The following ATXN7L1 variants were observed in gnomAD, a reference collection of about 807,000 sequenced individuals.
ATXN7L1 encodes ataxin-7-like protein 1.
Under a neutral mutation model 70.8 loss-of-function variants are expected in ATXN7L1, and 15 were observed. The ratio of observed to expected loss-of-function variants is 0.21; its 90% CI spans 0.14 to 0.33. ATXN7L1 has a LOEUF of 0.33. ATXN7L1 is among the 10% of genes least tolerant of loss of function. The probability of loss-of-function intolerance (pLI) is 1.00; values close to 1 mark genes in which losing one functional copy is unlikely to be tolerated. For synonymous variants in ATXN7L1, 440 were observed against 445.1 expected, an observed-to-expected ratio of 0.99 and a Z score of 0.14; for missense variants, 975 against 1,097.1, an observed-to-expected ratio of 0.89 and a Z score of 1.57.
intron 3 of ATXN7L1, among the ~76,000 whole-genome samples, chr7:105,755,998 C>T (rs1172967421): frequency 6.6e-6 from 1 of 152,170 alleles, no homozygotes; most frequent in African/African-American, 2.4e-5. Flanking sequence ...GCTCCACAGT[C>T]TTTGTGTCCT....
At chr7:105,758,706 T>G (rs540921863) in intron 3 of ATXN7L1, among the ~76,000 whole-genome samples, 2 of 152,326 alleles carry the variant, frequency 1.3e-5, no homozygotes, top group Admixed American at 1.3e-4. Flanking sequence ...AAGTCTTTAC[T>G]CTGTACCTCC....
intron 9 of ATXN7L1, among the ~76,000 whole-genome samples, chr7:105,619,605 C>T (rs1794640204): frequency 7.6e-6 from 1 of 130,954 alleles, no homozygotes. Context: ...AGGCTGAGTG[C>T]AGTGGCACAA....
At chr7:105,709,415 T>C (rs1327574890) in intron 3 of ATXN7L1, among the ~76,000 whole-genome samples, 3 of 152,162 alleles carry the variant, frequency 2.0e-5, no homozygotes, top group East Asian at 3.9e-4. Flanking sequence ...ACTGCTCTTC[T>C]CAGGGCCAGC....
chr7:105,731,748 A>AAAAAGAAAAGAAAAGAAAAGAG (rs1554443664), intron 3 of ATXN7L1, among the ~76,000 whole-genome samples: 22 of 106,994 alleles, frequency 2.1e-4, no homozygotes, highest in East Asian at 6.5e-4. Flanking sequence ...CTTACTCCTT[A>AAAAAGAAAAGAAAAGAAAAGAG]AAAAGAAAAG....
intron 9 of ATXN7L1, chr7:105,618,066 G>C (rs547319184): frequency 3.0e-4 from 136 of 456,704 alleles, no homozygotes; most frequent in Non-Finnish European, 5.5e-4. Flanking sequence ...AGGGGGGAGG[G>C]ACCTGATGCC....
intron 7 of ATXN7L1, among the ~76,000 whole-genome samples, chr7:105,630,109 C>T (rs1796371124): frequency 6.6e-6 from 1 of 152,152 alleles, no homozygotes; most frequent in Non-Finnish European, 1.5e-5. Context: ...TGAGCCACTG[C>T]ACCAGGCTGA....
chr7:105,657,050 C>T (rs1402391002), intron 4 of ATXN7L1, among the ~76,000 whole-genome samples: 2 of 152,188 alleles, frequency 1.3e-5, no homozygotes, highest in Non-Finnish European at 2.9e-5. Flanking sequence ...CCCTAACCTG[C>T]TGTTAAATCT....
chr7:105,676,120 C>T (rs760048078), intron 3 of ATXN7L1, among the ~76,000 whole-genome samples: 2 of 152,096 alleles, frequency 1.3e-5, no homozygotes, highest in African/African-American at 2.4e-5. Flanking sequence ...AGCTGCTGCC[C>T]GAAGGACCTG....
At chr7:105,656,194 G>A (rs1023675975) in intron 4 of ATXN7L1, among the ~76,000 whole-genome samples, 4 of 152,316 alleles carry the variant, frequency 2.6e-5, no homozygotes, top group Middle Eastern at 3.4e-3. Flanking sequence ...TGGCTGACTC[G>A]GTCACTGTGC....
chr7:105,732,195 AG>A (rs1796652475), intron 3 of ATXN7L1, among the ~76,000 whole-genome samples: 1 of 152,172 alleles, frequency 6.6e-6, no homozygotes, highest in Non-Finnish European at 1.5e-5. Flanking sequence ...AGATCACCTT[AG>A]GTCAGGGGTT....
intron 2 of ATXN7L1, among the ~76,000 whole-genome samples, chr7:105,805,427 T>A (rs1237932060): frequency 2.6e-5 from 4 of 152,140 alleles, no homozygotes; most frequent in Non-Finnish European, 5.9e-5. Context: ...TGACTCAGTG[T>A]GGGAAACAGG....
At chr7:105,712,077 T>C (rs1429437046) in intron 3 of ATXN7L1, among the ~76,000 whole-genome samples, 3 of 152,262 alleles carry the variant, frequency 2.0e-5, no homozygotes, top group African/African-American at 7.2e-5. Flanking sequence ...GTTTGGGGCT[T>C]GCACCCTTTG....
chr7:105,872,093 C>T (rs943127833), intron 2 of ATXN7L1, among the ~76,000 whole-genome samples: 4 of 151,890 alleles, frequency 2.6e-5, no homozygotes, highest in Non-Finnish European at 4.4e-5. Context: ...CCCGGGTTCA[C>T]GCCATTCTCC....
chr7:105,808,020 T>C (rs1189808990), intron 2 of ATXN7L1, among the ~76,000 whole-genome samples: 2 of 152,232 alleles, frequency 1.3e-5, no homozygotes, highest in South Asian at 2.1e-4. Context: ...CTTGGATCTC[T>C]AGTGTCCACA....
chr7:105,854,072 C>A lies in ATXN7L1; in HGVS notation c.250+21740G>T, dbSNP rs1315556838. ...CTGGCCGTTCCCTCCACCCCCAGAGCCCATCTCTGCAGGCAGGCAGTTTTC... is the reference window on the plus strand; with the variant it reads ...CTGGCCGTTCCCTCCACCCCCAGAGACCATCTCTGCAGGCAGGCAGTTTTC... On this transcript the variant is annotated intron_variant, in intron 2 of 11. Transcript: ENST00000419735. Among the ~76,000 whole-genome samples the A allele has an allele frequency of 2.6e-5, 4 of 152,182 alleles. No individual in the cohort carries two copies. The South Asian group carries it at 8.3e-4, about 31-fold the overall frequency.
chr7:105,715,326 G>A (rs1009887), intron 3 of ATXN7L1, among the ~76,000 whole-genome samples: 8,522 of 152,288 alleles, frequency 0.056, 285 homozygotes, highest in Admixed American at 0.073. Context: ...AGTTCACGTG[G>A]GCATCAAGTG....
intron 3 of ATXN7L1, among the ~76,000 whole-genome samples, chr7:105,784,862 C>T (rs190252309): frequency 3.9e-4 from 59 of 152,240 alleles, no homozygotes; most frequent in African/African-American, 1.2e-3. Context: ...CAACAAAGTT[C>T]AAATAATGTT....
In ATXN7L1 at chr7:105,876,400, G is replaced by A. The variant is rs1324652592; in HGVS notation, c.159C>T (p.Ala53=). Reference sequence around the variant, plus strand: ...TACTGTCGGAGCAGTGTAATTTGGCGGCGTCGATCCAGGAGGACCAGGGTT... The same window carrying A: ...TACTGTCGGAGCAGTGTAATTTGGCAGCGTCGATCCAGGAGGACCAGGGTT... The part of the protein sequence containing the change: ...LGKPWSSWID[A]AKLHCSDNVD... The change falls in exon 1 of 12, where the codon GCC becomes GCT. Residue 53 remains alanine (A), a synonymous_variant. Coordinates refer to ENST00000419735, the MANE Select transcript of ATXN7L1 (RefSeq NM_020725.2). 2 of 1,609,960 alleles carry A rather than the reference G, an allele frequency of 1.2e-6. No individual in the cohort carries two copies. Among genetic ancestry groups the A allele is most frequent in the Admixed American group, 1.7e-5 (1 of 59,540 alleles).
intron 3 of ATXN7L1, among the ~76,000 whole-genome samples, chr7:105,735,660 C>G (rs958933551): frequency 2.0e-5 from 3 of 152,160 alleles, no homozygotes; most frequent in Admixed American, 1.3e-4. Context: ...ATTCCCACCC[C>G]CTAAATGTTG....
Sources: allele counts gnomAD v4.1 joint callset (sites outside exome capture counted in the v4.1 genomes callset), GRCh38; gene constraint gnomAD v4.1.1; transcripts MANE v1.5; gene names NCBI Gene and HGNC (gene_info 2026-07-23, HGNC 2026-07-21).